HRH1: variants seen among roughly 807,000 people sequenced by gnomAD.
The protein encoded by HRH1 is histamine receptor H1.
Under a neutral mutation model 10.3 loss-of-function variants are expected in HRH1, and 6 were observed. The observed-to-expected ratio is 0.58, with a 90% CI of 0.32 to 1.15. The LOEUF (loss-of-function observed/expected upper bound fraction) is 1.15, where lower values mean the gene tolerates loss of function less well. HRH1 is among the 50% of genes most tolerant of loss of function. The pLI, the probability that HRH1 is intolerant of heterozygous loss-of-function variation, is 0.05. For synonymous variants in HRH1, 242 were observed against 236.7 expected (o/e 1.02, Z -0.21); for missense variants, 514 against 615.3 (o/e 0.84, Z 1.74).
chr3:11,242,626 T>C (rs1939380456), intron 1 of HRH1, among the ~76,000 whole-genome samples: 1 of 151,858 alleles, frequency 6.6e-6, no homozygotes, highest in South Asian at 2.1e-4. Context: ...AGTTCCCAAA[T>C]GCCAGCTCAT....
rs1478303870 is a variant in HRH1 at position 11,221,377 on chromosome 3, AC to A, written c.-35-37623del. 3.3e-5 allele frequency among the ~76,000 whole-genome samples: 5 copies of A among 151,820 alleles called. No homozygotes were observed. The East Asian group carries it at 9.7e-4, about 29-fold the overall frequency. ...AGACCAGCCTGGGCAACACGGTGAA[AC>A]CCTGTCTCTACTAAAATACAAAAAA... On this transcript the variant is annotated intron_variant, in intron 1 of 1. Coordinates refer to ENST00000431010, the MANE Select transcript of HRH1 (RefSeq NM_001098212.2).
At chr3:11,157,384 C>T (rs1183449010) in intron 1 of HRH1, among the ~76,000 whole-genome samples, 2 of 152,212 alleles carry the variant, frequency 1.3e-5, no homozygotes, top group Non-Finnish European at 2.9e-5. Flanking sequence ...GCTATAATTG[C>T]TCCTGATCCA....
At chr3:11,189,840 C>T (rs371553592) in intron 1 of HRH1, among the ~76,000 whole-genome samples, 1 of 152,086 alleles carries the variant, frequency 6.6e-6, no homozygotes. Context: ...ATCCCAGCTA[C>T]TCGGGAGGCT....
chr3:11,211,620 A>C (rs1180616897), intron 1 of HRH1, among the ~76,000 whole-genome samples: 1 of 152,220 alleles, frequency 6.6e-6, no homozygotes, highest in Non-Finnish European at 1.5e-5. Context: ...TATGACCCAG[A>C]GAGCAAATGC....
chr3:11,198,901 T>TACACACAC (rs1491456900), intron 1 of HRH1, among the ~76,000 whole-genome samples: 44 of 86,144 alleles, frequency 5.1e-4, no homozygotes, highest in African/African-American at 1.5e-3. Flanking sequence ...TCTCTCTCTT[T>TACACACAC]ATACACACAC....
chr3:11,243,973 T>C (rs146244794), intron 1 of HRH1, among the ~76,000 whole-genome samples: 1 of 152,350 alleles, frequency 6.6e-6, no homozygotes, highest in East Asian at 1.9e-4. Context: ...TCAGGGACAG[T>C]GTATCAATTA....
intron 1 of HRH1, among the ~76,000 whole-genome samples, chr3:11,215,913 T>C (rs1938476426): frequency 1.3e-5 from 2 of 152,204 alleles, no homozygotes; most frequent in South Asian, 4.1e-4. Flanking sequence ...CCTTTTTTTT[T>C]TAACTTAAAC....
intron 1 of HRH1, chr3:11,234,399 G>A: frequency 6.2e-7 from 1 of 1,604,776 alleles, no homozygotes; most frequent in South Asian, 1.1e-5. Context: ...AGGCATTCCT[G>A]CATGGCCCGG....
chr3:11,166,284 G>A lies in HRH1; in HGVS notation c.-36+11730G>A, dbSNP rs553459641. On this transcript the variant is annotated intron_variant, in intron 1 of 1. Transcript: ENST00000431010. ...TATGTGAATTATTACCCCATGAAGC[G>A]TTGAAAAAGAAAGACAAGAAGGGGA... Among the ~76,000 whole-genome samples the A allele has an allele frequency of 6.6e-5, 10 of 152,176 alleles. No homozygotes were observed. In the East Asian group the frequency reaches 1.2e-3, roughly 18 times the overall value.
At chr3:11,224,391 C>G (rs1457771715) in intron 1 of HRH1, among the ~76,000 whole-genome samples, 3 of 152,134 alleles carry the variant, frequency 2.0e-5, no homozygotes, top group Admixed American at 2.0e-4. Flanking sequence ...TTCCAAATTT[C>G]GGGTTAAGAA....
intron 1 of HRH1, among the ~76,000 whole-genome samples, chr3:11,224,699 CAAAAAAAAA>C (rs60472027): frequency 0.23 from 23,525 of 100,582 alleles, 2,430 homozygotes; most frequent in South Asian, 0.41. Context: ...GACTCCATCT[CAAAAAAAAA>C]AAAAAAAAGA....
At chr3:11,171,838 C>CTGAAT (rs1261677565) in intron 1 of HRH1, among the ~76,000 whole-genome samples, 2 of 152,226 alleles carry the variant, frequency 1.3e-5, no homozygotes, top group African/African-American at 4.8e-5. Context: ...GTTGTCTCAT[C>CTGAAT]TGAAGCAGGA....
At chr3:11,222,355 C>T (rs1443579744) in intron 1 of HRH1, among the ~76,000 whole-genome samples, 1 of 152,208 alleles carries the variant, frequency 6.6e-6, no homozygotes, top group African/African-American at 2.4e-5. Context: ...ATTTCCTAGA[C>T]TCTGTGATTG....
rs550736134 is a variant in HRH1 at position 11,214,671 on chromosome 3, A to G, written c.-35-44332A>G. On this transcript the variant is annotated intron_variant, in intron 1 of 1. Transcript: ENST00000431010. ...ATGTATAAAACAGTATATTCAGTCCAGGGGCCCAGGGGCCAGGACTTTAGA... is the reference window on the plus strand; with the variant it reads ...ATGTATAAAACAGTATATTCAGTCCGGGGGCCCAGGGGCCAGGACTTTAGA... Among the ~76,000 whole-genome samples the G allele has an allele frequency of 1.1e-3, 161 of 152,382 alleles. 1 individual carries two copies. The highest frequency in any genetic ancestry group is 3.5e-3 in the African/African-American group (145 of 41,598).
At chr3:11,139,913 A>G (rs924217395) in intron 1 of HRH1, among the ~76,000 whole-genome samples, 1 of 152,222 alleles carries the variant, frequency 6.6e-6, no homozygotes, top group African/African-American at 2.4e-5. Flanking sequence ...GTTGCACAAC[A>G]TTGTGACTAT....
intron 1 of HRH1, among the ~76,000 whole-genome samples, chr3:11,163,249 G>A (rs2125009303): frequency 6.6e-6 from 1 of 152,154 alleles, no homozygotes. Context: ...CTACCTCCAG[G>A]CAGCCCCCTT....
At chr3:11,205,433 T>C (rs60385236) in intron 1 of HRH1, among the ~76,000 whole-genome samples, 19,058 of 152,182 alleles carry the variant, frequency 0.13, 1,937 homozygotes, top group South Asian at 0.31. Context: ...TCACTAGCTG[T>C]ATGTCCTTGG....
chr3:11,157,648 C>T (rs1210090669), intron 1 of HRH1, among the ~76,000 whole-genome samples: 3 of 152,216 alleles, frequency 2.0e-5, no homozygotes, highest in Non-Finnish European at 2.9e-5. Flanking sequence ...TTTATGCATT[C>T]GTCCTCACTG....
intron 1 of HRH1, among the ~76,000 whole-genome samples, chr3:11,216,941 TG>T (rs1938520486): frequency 6.6e-6 from 1 of 151,430 alleles, no homozygotes. Flanking sequence ...CCCAGCACTT[TG>T]GGAGGCCGAG....
Sources: gnomAD v4.1 joint callset for allele counts (sites outside exome capture counted in the v4.1 genomes callset) on GRCh38, gnomAD v4.1.1 for gene constraint, MANE v1.5 for transcripts, NCBI Gene and HGNC (gene_info 2026-07-23, HGNC 2026-07-21) for gene names.